Variants in TRIP4 observed in about 807,000 individuals in gnomAD.
The protein encoded by TRIP4 is thyroid hormone receptor interactor 4.
A neutral mutation model predicts 81.8 loss-of-function variants in TRIP4; 54 were observed. The observed-to-expected ratio is 0.66, with a 90% confidence interval of 0.53 to 0.83. TRIP4 has a LOEUF of 0.83. Ranked by LOEUF, TRIP4 falls within the 40% of genes least tolerant of loss-of-function variation. TRIP4 has a pLI of 0.00. For missense variants in TRIP4, 662 were observed against 683.6 expected (o/e 0.97, Z 0.35); for synonymous variants, 270 against 242.8 (o/e 1.11, Z -1.04).
intron 1 of TRIP4, among the ~76,000 whole-genome samples, chr15:64,390,720 G>A (rs182339743): frequency 5.9e-4 from 90 of 151,736 alleles, no homozygotes; most frequent in African/African-American, 1.9e-3. Context: ...GTGAAACCCC[G>A]TCTCTACTAA....
In TRIP4 at chr15:64,449,289, TG is replaced by T. The variant is rs1393437706; in HGVS notation, c.1678+4182del. ...AATGTTTGTTTTTTTTGTTTGTTTT[TG>T]TTTTTTTTTTTTGTGGGATGTCTTA... On this transcript the variant is annotated intron_variant, in intron 12 of 12. Coordinates refer to ENST00000261884, the MANE Select transcript of TRIP4 (RefSeq NM_016213.5). 7.4e-3 allele frequency among the ~76,000 whole-genome samples: 1,118 copies of T among 150,682 alleles called. 16 individuals carry two copies. Among genetic ancestry groups the T allele is most frequent in the African/African-American group, 0.026 (1,070 of 40,938 alleles).
chr15:64,415,303 G>A (rs890496220), intron 8 of TRIP4, among the ~76,000 whole-genome samples: 1 of 152,126 alleles, frequency 6.6e-6, no homozygotes, highest in African/African-American at 2.4e-5. Flanking sequence ...TGAGAGCATT[G>A]CAGGTTTGGG....
At chr15:64,394,185 AT>A (rs904299861) in intron 2 of TRIP4, 70 bp downstream of exon 2, 44,834 of 968,454 alleles carry the variant, frequency 0.046, 1 homozygote, top group South Asian at 0.067. Context: ...TATTATTATT[AT>A]TTTTTTTTTT....
At chr15:64,409,856 C>T in intron 7 of TRIP4, 28 bp downstream of exon 7, 1 of 1,594,614 alleles carries the variant, frequency 6.3e-7, no homozygotes, top group Non-Finnish European at 8.6e-7. Flanking sequence ...GAAAGGGTCT[C>T]AAAGAAGGAA....
At chr15:64,436,312 AGC>A (rs1892396311) in intron 11 of TRIP4, among the ~76,000 whole-genome samples, 1 of 150,984 alleles carries the variant, frequency 6.6e-6, no homozygotes, top group African/African-American at 2.4e-5. Context: ...AAAAAAAATC[AGC>A]CAGGCACATT....
chr15:64,441,945 T>G (rs1041208023), intron 11 of TRIP4, among the ~76,000 whole-genome samples: 33 of 152,122 alleles, frequency 2.2e-4, no homozygotes, highest in Middle Eastern at 3.4e-3. Flanking sequence ...TGGAAATATC[T>G]AGGGTGAAAA....
chr15:64,387,856 T>G lies in TRIP4; in HGVS notation c.-8T>G. On this transcript the variant is annotated 5_prime_UTR_variant, in exon 1 of 13. Coordinates refer to ENST00000261884, the MANE Select transcript of TRIP4 (RefSeq NM_016213.5). ...CTTTTGCAGCTCAGCTGGTTCCGGCTGGGGAAGATGGCGGTGGCTGGGGCG... is the reference window on the plus strand; with the variant it reads ...CTTTTGCAGCTCAGCTGGTTCCGGCGGGGGAAGATGGCGGTGGCTGGGGCG... 1.3e-6 allele frequency: 2 copies of G among 1,543,698 alleles called. No individual in the cohort carries two copies. The highest frequency in any genetic ancestry group is 1.7e-6 in the Non-Finnish European group (2 of 1,146,446).
chr15:64,431,547 C>CA (rs922979882), intron 11 of TRIP4, among the ~76,000 whole-genome samples: 12 of 150,074 alleles, frequency 8.0e-5, no homozygotes, highest in South Asian at 2.1e-4. Flanking sequence ...ACTAAAAATA[C>CA]AAAAAAAAAT....
At chr15:64,391,616 G>A (rs555134560) in intron 1 of TRIP4, among the ~76,000 whole-genome samples, 2 of 152,140 alleles carry the variant, frequency 1.3e-5, no homozygotes, top group African/African-American at 2.4e-5. Flanking sequence ...ACCTTGTTAA[G>A]TAGTTAAAAT....
Position 64,415,005 on chromosome 15 carries a change from G to A in TRIP4, c.1170+794G>A, listed in dbSNP as rs145330838. Among the ~76,000 whole-genome samples the A allele has an allele frequency of 3.0e-3, 461 of 151,738 alleles. 1 individual carries two copies. Among genetic ancestry groups the A allele is most frequent in the Non-Finnish European group, 4.8e-3 (327 of 67,950 alleles). On this transcript the variant is annotated intron_variant, in intron 8 of 12. Coordinates refer to ENST00000261884, the MANE Select transcript of TRIP4 (RefSeq NM_016213.5). ...AGCTACTTAGGAGGCTGAGTCGGGA[G>A]AATCACCTGAGCCCAGGAGGCAGAG...
chr15:64,404,759 T>C (rs1313864224), intron 5 of TRIP4, among the ~76,000 whole-genome samples: 6 of 150,776 alleles, frequency 4.0e-5, no homozygotes, highest in Non-Finnish European at 7.4e-5. Context: ...CAGGCTGGAG[T>C]ACATTGGTAT....
intron 8 of TRIP4, 109 bp downstream of exon 8, chr15:64,414,320 C>T: frequency 2.8e-6 from 4 of 1,413,892 alleles, no homozygotes; most frequent in East Asian, 2.3e-5. Flanking sequence ...TCTCTCAATA[C>T]ACCTGTACCA....
intron 5 of TRIP4, among the ~76,000 whole-genome samples, chr15:64,404,830 C>T (rs1376253350): frequency 1.3e-5 from 2 of 151,388 alleles, no homozygotes. Context: ...GATCTACAGG[C>T]TTGTACCACC....
In TRIP4 at chr15:64,409,823, T is replaced by C. The variant is rs1305821668; in HGVS notation, c.1038T>C (p.His346=). ...AAGAAAATTCACTAGCAGAGTATCA[T>C]AGCAGGTAAGTGAGCAGCACTAGAA... The part of the protein sequence containing the change: ...LEEENSLAEY[H]SRLDETIQAI... The change falls in exon 7 of 13, where the codon CAT becomes CAC. Residue 346 remains histidine (H), a synonymous_variant. Coordinates refer to ENST00000261884, the MANE Select transcript of TRIP4 (RefSeq NM_016213.5). 1 of 1,613,972 alleles carries C rather than the reference T, an allele frequency of 6.2e-7. No individual in the cohort carries two copies. Among genetic ancestry groups the C allele is most frequent in the Non-Finnish European group, 8.5e-7 (1 of 1,179,948 alleles).
intron 1 of TRIP4, among the ~76,000 whole-genome samples, chr15:64,393,151 A>ATT (rs947519077): frequency 2.4e-4 from 32 of 130,706 alleles, no homozygotes; most frequent in Non-Finnish European, 3.0e-4. Flanking sequence ...TTGTATGTTA[A>ATT]TTTTTTTTTT....
At chr15:64,390,095 AATATTAAATATATCAAATATT>A (rs1455262555) in intron 1 of TRIP4, among the ~76,000 whole-genome samples, 1 of 147,918 alleles carries the variant, frequency 6.8e-6, no homozygotes, top group Non-Finnish European at 1.5e-5. Context: ...AAATATATTA[AATATTAAATATATCAAATATT>A]ATATTAAATA....
Position 64,432,922 on chromosome 15 carries a change from A to AAAATAAAT in TRIP4, c.1575+7311_1575+7318dup, listed in dbSNP as rs59272780. ...CAAGACTCCATCTCAAAAATAAATA[A>AAAATAAAT]AAATAAATAAATAAATAAATAAATA... On this transcript the variant is annotated intron_variant, in intron 11 of 12. Transcript: ENST00000261884. Among the ~76,000 whole-genome samples the AAAATAAAT allele has an allele frequency of 8.0e-3, 1,202 of 150,264 alleles. 7 individuals carry two copies. Among genetic ancestry groups the AAAATAAAT allele is most frequent in the African/African-American group, 0.018 (726 of 41,168 alleles).
In TRIP4 at chr15:64,408,187, C is replaced by T. The variant is rs1208946440; in HGVS notation, c.828-1426C>T. ...TGTTTTTTTTTTTTGATCCGCCAGC[C>T]TCGGCCTCCCAAAGTGCTGGAATTA... On this transcript the variant is annotated intron_variant, in intron 6 of 12. Transcript: ENST00000261884. Among the ~76,000 whole-genome samples, 9 of 148,080 alleles carry T rather than the reference C, an allele frequency of 6.1e-5. No homozygotes were observed. The South Asian group carries it at 1.9e-3, about 31-fold the overall frequency.
intron 3 of TRIP4, among the ~76,000 whole-genome samples, chr15:64,395,855 A>C (rs1900276547): frequency 6.7e-6 from 1 of 148,872 alleles, no homozygotes; most frequent in Admixed American, 6.7e-5. Flanking sequence ...ATTCTCCTGC[A>C]TCAGTCTCCC....
Sources: allele counts gnomAD v4.1 joint callset (sites outside exome capture counted in the v4.1 genomes callset), GRCh38; gene constraint gnomAD v4.1.1; transcripts MANE v1.5; gene names NCBI Gene and HGNC (gene_info 2026-07-23, HGNC 2026-07-21).